Variants in MTUS2 observed in about 807,000 individuals in gnomAD.
MTUS2 encodes microtubule-associated tumor suppressor candidate 2.
Under a neutral mutation model 114.1 loss-of-function variants are expected in MTUS2, and 40 were observed. That is an observed-to-expected ratio of 0.35 (90% confidence interval 0.27 to 0.46). The LOEUF (loss-of-function observed/expected upper bound fraction) is 0.46, where lower values mean the gene tolerates loss of function less well. Ranked by LOEUF, MTUS2 falls within the 20% of genes least tolerant of loss-of-function variation. The pLI is 1.00. For synonymous variants in MTUS2, 688 were observed against 672.0 expected (o/e 1.02, Z -0.37); for missense variants, 1,679 against 1,705.4 (o/e 0.98, Z 0.27).
At chr13:29,452,495 A>ATCC (rs1372340698) in intron 9 of MTUS2, among the ~76,000 whole-genome samples, 2 of 151,530 alleles carry the variant, frequency 1.3e-5, no homozygotes, top group African/African-American at 4.9e-5. Context: ...GGCTCAAGTG[A>ATCC]TCCTCCTGCC....
intron 9 of MTUS2, among the ~76,000 whole-genome samples, chr13:29,478,294 T>G (rs531537548): frequency 6.6e-6 from 1 of 152,292 alleles, no homozygotes; most frequent in Non-Finnish European, 1.5e-5. Context: ...CAATGTTTCT[T>G]TCCTGATTTT....
At chr13:29,175,880 A>T (rs968512622) in intron 5 of MTUS2, among the ~76,000 whole-genome samples, 1 of 152,262 alleles carries the variant, frequency 6.6e-6, no homozygotes, top group African/African-American at 2.4e-5. Context: ...AATTTATTTA[A>T]ACATTAAAGT....
intron 8 of MTUS2, among the ~76,000 whole-genome samples, chr13:29,373,131 A>C (rs1018647964): frequency 6.6e-6 from 1 of 152,220 alleles, no homozygotes; most frequent in Non-Finnish European, 1.5e-5. Context: ...GTCTGACTCG[A>C]GAAGTGGGAA....
Position 28,905,231 on chromosome 13 carries a change from T to C in MTUS2, c.-243+65381T>C, listed in dbSNP as rs1485821993. Among the ~76,000 whole-genome samples, 7 of 151,608 alleles carry C rather than the reference T, an allele frequency of 4.6e-5. 1 individual carries two copies. The highest frequency in any genetic ancestry group is 1.0e-4 in the Non-Finnish European group (7 of 67,950). On this transcript the variant is annotated intron_variant, in intron 2 of 15. Coordinates refer to ENST00000612955, the MANE Select transcript of MTUS2 (RefSeq NM_001033602.4). ...ACAATTTGACTTCCTCTTTTCCTAA[T>C]TGAATGCCCTTTATTTCCTTCTCCT...
intron 4 of MTUS2, among the ~76,000 whole-genome samples, chr13:29,084,636 C>G (rs2138745096): frequency 6.6e-6 from 1 of 150,764 alleles, no homozygotes; most frequent in South Asian, 2.1e-4. Context: ...CTCCTGGGTT[C>G]AAGCGATTCT....
At chr13:29,319,638 C>G (rs1051475916) in intron 6 of MTUS2, among the ~76,000 whole-genome samples, 1 of 152,300 alleles carries the variant, frequency 6.6e-6, no homozygotes, top group East Asian at 1.9e-4. Flanking sequence ...TGTACGCCCC[C>G]TCCAGGCCCT....
intron 5 of MTUS2, among the ~76,000 whole-genome samples, chr13:29,252,791 T>C (rs1027799427): frequency 3.3e-5 from 5 of 152,200 alleles, no homozygotes; most frequent in African/African-American, 1.2e-4. Context: ...TATAAGGGGT[T>C]TCCCCTTTCA....
chr13:29,208,626 G>A (rs373367243), intron 5 of MTUS2, among the ~76,000 whole-genome samples: 268 of 152,110 alleles, frequency 1.8e-3, no homozygotes, highest in African/African-American at 6.2e-3. Flanking sequence ...TTAATAGGTC[G>A]TATCACTATA....
At chr13:29,050,788 G>A (rs986994694) in intron 4 of MTUS2, among the ~76,000 whole-genome samples, 30 of 152,184 alleles carry the variant, frequency 2.0e-4, no homozygotes, top group African/African-American at 7.0e-4. Flanking sequence ...CTCATAGTAC[G>A]AGGTCTTCCT....
intron 5 of MTUS2, among the ~76,000 whole-genome samples, chr13:29,175,729 C>T (rs1213353455): frequency 6.6e-6 from 1 of 151,168 alleles, no homozygotes; most frequent in Non-Finnish European, 1.5e-5. Flanking sequence ...CAAATGCTGC[C>T]TGGAAATATA....
intron 2 of MTUS2, among the ~76,000 whole-genome samples, chr13:28,956,017 G>A (rs1291365755): frequency 6.6e-6 from 1 of 151,196 alleles, no homozygotes; most frequent in Admixed American, 6.6e-5. Context: ...TACCCCAGCA[G>A]TATCCACAGC....
intron 15 of MTUS2, among the ~76,000 whole-genome samples, chr13:29,501,837 CACAG>C (rs1169824598): frequency 2.7e-5 from 1 of 37,068 alleles, no homozygotes; most frequent in Non-Finnish European, 5.9e-5. Flanking sequence ...CATGCACTCA[CACAG>C]GCACTGCTCA....
intron 8 of MTUS2, among the ~76,000 whole-genome samples, chr13:29,431,284 G>A (rs1876971789): frequency 6.6e-6 from 1 of 152,154 alleles, no homozygotes; most frequent in Non-Finnish European, 1.5e-5. Flanking sequence ...AAAGTTGTTT[G>A]TGCTTATGTA....
chr13:29,363,713 A>G (rs960408462), intron 8 of MTUS2, among the ~76,000 whole-genome samples: 1 of 152,124 alleles, frequency 6.6e-6, no homozygotes, highest in Non-Finnish European at 1.5e-5. Flanking sequence ...TTGAACTTCA[A>G]CCTTTCACCT....
At chr13:28,835,941 G>T (rs1875052258) in intron 1 of MTUS2, among the ~76,000 whole-genome samples, 1 of 151,848 alleles carries the variant, frequency 6.6e-6, no homozygotes, top group Non-Finnish European at 1.5e-5. Flanking sequence ...CAGCACTGCA[G>T]TAGTCTTTGA....
intron 2 of MTUS2, among the ~76,000 whole-genome samples, chr13:28,988,330 T>C (rs193043596): frequency 2.2e-4 from 33 of 152,348 alleles, no homozygotes; most frequent in Admixed American, 5.2e-4. Flanking sequence ...GGGAATGATA[T>C]ATGCACCTAC....
At position 29,154,305 on chromosome 13, in the gene MTUS2, T is replaced by C. The variant is rs564813931; in HGVS notation, c.2644+53335T>C. ...CTGAACTCATGTATTTGGTTACTCT[T>C]CAGTTTTAAAATGCTTTTCAAGTGT... is the stretch of plus-strand genomic sequence containing the variant. On this transcript the variant is annotated intron_variant, in intron 5 of 15. Coordinates refer to ENST00000612955, the MANE Select transcript of MTUS2 (RefSeq NM_001033602.4). Among the ~76,000 whole-genome samples, 3 of 152,328 alleles carry C rather than the reference T, an allele frequency of 2.0e-5. No individual in the cohort carries two copies. The South Asian group carries it at 6.2e-4, about 32-fold the overall frequency.
chr13:29,482,447 A>G (rs546377920), intron 10 of MTUS2: 9 of 152,384 alleles, frequency 5.9e-5, no homozygotes, highest in Admixed American at 5.2e-4. Flanking sequence ...CTACCTGGGC[A>G]TAATTCAAAC....
In MTUS2 at chr13:29,440,082, G is replaced by A. The variant is rs562300307; in HGVS notation, c.3184+33G>A. The A allele has an allele frequency of 2.7e-5, 42 of 1,554,780 alleles. No individual in the cohort carries two copies. The South Asian group carries it at 4.4e-4, about 16-fold the overall frequency. On this transcript the variant is annotated intron_variant, in intron 9 of 15. Transcript: ENST00000612955. ...GGGCATTGACAATGAGGAGCATAAA[G>A]AATGTCTTTTCCTGATTCCTGTGAA... is the stretch of plus-strand genomic sequence containing the variant.
Sources: allele counts gnomAD v4.1 joint callset (sites outside exome capture counted in the v4.1 genomes callset), GRCh38; gene constraint gnomAD v4.1.1; transcripts MANE v1.5; gene names NCBI Gene and HGNC (gene_info 2026-07-23, HGNC 2026-07-21).